The following VSTM4 variants were observed in gnomAD, a reference collection of about 807,000 sequenced individuals.
VSTM4 encodes the protein V-set and transmembrane domain-containing protein 4.
In VSTM4, 20 loss-of-function variants were observed where a neutral mutation model predicts 36.4. That is an observed-to-expected ratio of 0.55 (90% confidence interval 0.39 to 0.80). The LOEUF (loss-of-function observed/expected upper bound fraction) is 0.80, where lower values mean the gene tolerates loss of function less well. VSTM4 is among the 30% of genes least tolerant of loss of function. The pLI, the probability that VSTM4 is intolerant of heterozygous loss-of-function variation, is 0.00. For missense variants in VSTM4, 392 were observed against 404.5 expected (o/e 0.97, Z 0.26); for synonymous variants, 182 against 173.9 (o/e 1.05, Z -0.37).
At chr10:49,038,757 G>A (rs1187026375) in intron 7 of VSTM4, among the ~76,000 whole-genome samples, 1 of 152,090 alleles carries the variant, frequency 6.6e-6, no homozygotes, top group Non-Finnish European at 1.5e-5. Flanking sequence ...GGAGTGTCTG[G>A]TCAACAGTCA....
intron 1 of VSTM4, among the ~76,000 whole-genome samples, chr10:49,111,766 C>T (rs1844898145): frequency 1.3e-5 from 2 of 152,126 alleles, no homozygotes; most frequent in African/African-American, 4.8e-5. Context: ...GTGCAGTGGA[C>T]AGTCCAGTGG....
chr10:49,074,044 G>T (rs1844129728), intron 4 of VSTM4, among the ~76,000 whole-genome samples: 2 of 152,194 alleles, frequency 1.3e-5, no homozygotes. Context: ...ATCTGTGTCT[G>T]TCTATGCTGA....
intron 4 of VSTM4, among the ~76,000 whole-genome samples, chr10:49,065,263 G>A (rs939556671): frequency 6.6e-6 from 1 of 152,138 alleles, no homozygotes; most frequent in African/African-American, 2.4e-5. Flanking sequence ...GAATACCTAG[G>A]CACATAATCC....
At chr10:49,107,473 G>A (rs1844802974) in intron 2 of VSTM4, 121 bp downstream of exon 2, 2 of 1,268,602 alleles carry the variant, frequency 1.6e-6, no homozygotes, top group Non-Finnish European at 2.1e-6. Context: ...ACCAACAGAG[G>A]CCCACAAGAT....
In VSTM4 at chr10:49,107,643, C is replaced by T. The variant is rs769349439; in HGVS notation, c.408G>A (p.Arg136=). The T allele has an allele frequency of 7.4e-6, 12 of 1,613,816 alleles. No individual in the cohort carries two copies. Among genetic ancestry groups the T allele is most frequent in the Non-Finnish European group, 8.5e-6 (10 of 1,179,800 alleles). ...VCRVQEISRH[R]NKWTAWSNGS... Reference sequence around the variant, plus strand: ...CATTGGACCAGGCCGTCCACTTGTTCCTGTGCCTGCTGATTTCCTGGACTC... The same window carrying T: ...CATTGGACCAGGCCGTCCACTTGTTTCTGTGCCTGCTGATTTCCTGGACTC... Residue 136 remains arginine (R), a synonymous_variant, in exon 2 of 8, where the codon AGG becomes AGA. Transcript: ENST00000332853.
At chr10:49,103,948 C>T (rs1844717325) in intron 2 of VSTM4, 1 of 1,094,134 alleles carries the variant, frequency 9.1e-7, no homozygotes, top group Non-Finnish European at 1.3e-6. Flanking sequence ...CCAAGAGCTC[C>T]TGTTTGATAT....
chr10:49,111,794 T>G (rs1844899034), intron 1 of VSTM4, among the ~76,000 whole-genome samples: 1 of 152,030 alleles, frequency 6.6e-6, no homozygotes, highest in South Asian at 2.1e-4. Context: ...AGCCACTCAT[T>G]GGGGAAAAGA....
In VSTM4 at chr10:49,016,774, C is replaced by A. The variant is rs1368591226; in HGVS notation, c.*2876G>T. The A allele has an allele frequency of 6.6e-6, 1 of 152,220 alleles. No homozygotes were observed. Among genetic ancestry groups the A allele is most frequent in the East Asian group, 1.9e-4 (1 of 5,200 alleles). The allele number at this position is 152,220 out of a possible 1,614,324, so 9.4% of individuals were successfully genotyped here. On this transcript the variant is annotated 3_prime_UTR_variant, in exon 8 of 8. Coordinates refer to ENST00000332853, the MANE Select transcript of VSTM4 (RefSeq NM_001031746.5). ...CGTAAAAAGGTGACTCTAAGGAATC[C>A]CAGGCCTCTCCTCCACTACAGCTGC... is the stretch of plus-strand genomic sequence containing the variant.
At chr10:49,019,940 T>G (rs1380020512) in intron 7 of VSTM4, among the ~76,000 whole-genome samples, 165 bp from the exon 8 acceptor site, 1 of 152,170 alleles carries the variant, frequency 6.6e-6, no homozygotes, top group Non-Finnish European at 1.5e-5. Context: ...ACATAATTAA[T>G]AAGATAGATC....
chr10:49,053,275 C>T (rs563022569), intron 5 of VSTM4, among the ~76,000 whole-genome samples: 11 of 152,188 alleles, frequency 7.2e-5, no homozygotes, highest in Non-Finnish European at 1.0e-4. Context: ...GGATGTCGCA[C>T]GTGCAGAGGC....
intron 4 of VSTM4, among the ~76,000 whole-genome samples, chr10:49,073,895 C>G (rs1178754773): frequency 6.6e-6 from 1 of 152,228 alleles, no homozygotes; most frequent in Non-Finnish European, 1.5e-5. Context: ...TGTATTTTCT[C>G]CATGCTAATG....
rs775711359 is a variant in VSTM4, at chr10:49,077,174, CGGGG to C, written c.634+41_634+44del. The C allele has an allele frequency of 4.4e-6, 7 of 1,584,676 alleles. No homozygotes were observed. In the South Asian group the frequency reaches 7.8e-5, roughly 18 times the overall value. ...CTAGCATCTTCCGCCCGTCTGTGGT[CGGGG>C]TGTGCTCCCATCCCAGACATGACCT... On this transcript the variant is annotated intron_variant, in intron 4 of 7. Transcript: ENST00000332853.
At chr10:49,065,273 C>T (rs571478714) in intron 4 of VSTM4, among the ~76,000 whole-genome samples, 2 of 152,278 alleles carry the variant, frequency 1.3e-5, no homozygotes, top group African/African-American at 4.8e-5. Flanking sequence ...GCACATAATC[C>T]AGCAAGTGTC....
intron 3 of VSTM4, among the ~76,000 whole-genome samples, chr10:49,083,580 C>A (rs1056845428): frequency 2.6e-5 from 4 of 152,146 alleles, no homozygotes; most frequent in Admixed American, 6.5e-5. Flanking sequence ...CTACACATAG[C>A]GAGAATGCCA....
At chr10:49,034,548 A>G (rs886806384) in intron 7 of VSTM4, among the ~76,000 whole-genome samples, 2 of 152,190 alleles carry the variant, frequency 1.3e-5, no homozygotes, top group Admixed American at 6.5e-5. Context: ...TAATTTTAAG[A>G]AGTTATAATA....
chr10:49,101,926 C>T (rs567720029), intron 2 of VSTM4, among the ~76,000 whole-genome samples: 2 of 152,072 alleles, frequency 1.3e-5, no homozygotes, highest in Non-Finnish European at 2.9e-5. Flanking sequence ...TCACCAACAA[C>T]TTATAAAGCA....
intron 2 of VSTM4, among the ~76,000 whole-genome samples, chr10:49,095,509 G>T (rs1361871083): frequency 6.6e-6 from 1 of 152,088 alleles, no homozygotes; most frequent in Non-Finnish European, 1.5e-5. Flanking sequence ...CCCAACAATT[G>T]CAAACATGCA....
At chr10:49,044,979 T>C (rs1843584629) in intron 7 of VSTM4, among the ~76,000 whole-genome samples, 2 of 152,222 alleles carry the variant, frequency 1.3e-5, no homozygotes, top group African/African-American at 4.8e-5. Context: ...CACTGCAATG[T>C]CACTGTTGTC....
chr10:49,114,458 C>A (rs779080250), intron 1 of VSTM4, among the ~76,000 whole-genome samples: 1 of 152,182 alleles, frequency 6.6e-6, no homozygotes, highest in Non-Finnish European at 1.5e-5. Flanking sequence ...CCCAGCTCCA[C>A]CACTTACAAG....
Sources: gnomAD v4.1 joint callset for allele counts (sites outside exome capture counted in the v4.1 genomes callset) on GRCh38, gnomAD v4.1.1 for gene constraint, MANE v1.5 for transcripts, NCBI Gene and HGNC (gene_info 2026-07-23, HGNC 2026-07-21) for gene names.